Variants in FBXL7 observed in about 807,000 individuals in gnomAD.
FBXL7 encodes F-box and leucine rich repeat protein 7.
In FBXL7, 12 loss-of-function variants were observed where a neutral mutation model predicts 38.3. The ratio of observed to expected loss-of-function variants is 0.31; its 90% CI spans 0.20 to 0.51. The LOEUF (loss-of-function observed/expected upper bound fraction) is 0.51, where lower values mean the gene tolerates loss of function less well. FBXL7 is among the 20% of genes least tolerant of loss of function. FBXL7 has a pLI of 0.98. For synonymous variants in FBXL7, 297 were observed against 300.9 expected (o/e 0.99, Z 0.13); for missense variants, 567 against 676.4 (o/e 0.84, Z 1.79).
intron 1 of FBXL7, among the ~76,000 whole-genome samples, chr5:15,553,124 A>C (rs1020374663): frequency 1.2e-4 from 18 of 150,800 alleles, no homozygotes; most frequent in Admixed American, 2.6e-4. Context: ...AAAAACCCCC[A>C]AAAAACAAAA....
chr5:15,936,168 A>G lies in FBXL7; in HGVS notation c.740-282A>G, dbSNP rs1742177051. ...ATACTCAGAAGGATTGATTTGCTAAATGTCAGGCAAGTAGGGACAGATGAC... is the reference window on the plus strand; with the variant it reads ...ATACTCAGAAGGATTGATTTGCTAAGTGTCAGGCAAGTAGGGACAGATGAC... On this transcript the variant is annotated intron_variant, in intron 3 of 3. Coordinates refer to ENST00000504595, the MANE Select transcript of FBXL7 (RefSeq NM_012304.5). This position sits in a 1 kb window ranked among gnomAD's most constrained non-coding sequence, Gnocchi z 6.0. Among the ~76,000 whole-genome samples the G allele has an allele frequency of 6.6e-6, 1 of 152,254 alleles. No homozygotes were observed. The highest frequency in any genetic ancestry group is 6.5e-5 in the Admixed American group (1 of 15,290).
At position 15,884,243 on chromosome 5, in the gene FBXL7, G is replaced by T. The variant is rs965580843; in HGVS notation, c.128-43647G>T. Among the ~76,000 whole-genome samples, 54 of 134,856 alleles carry T rather than the reference G, an allele frequency of 4.0e-4. No homozygotes were observed. In the Middle Eastern group the frequency reaches 0.012, roughly 29 times the overall value. The allele number at this position is 134,856 out of a possible 152,430, so 88.5% of individuals were successfully genotyped here. On this transcript the variant is annotated intron_variant, in intron 2 of 3. Transcript: ENST00000504595. ...GGAGGACACTAATACTATGGGATCA[G>T]GGAATCTTCTTTCTTTCTTTCTTTC...
chr5:15,676,425 T>C (rs935857619), intron 2 of FBXL7, among the ~76,000 whole-genome samples: 23 of 152,228 alleles, frequency 1.5e-4, no homozygotes, highest in Non-Finnish European at 5.9e-5. Flanking sequence ...CTGGACTTTG[T>C]AATTTGAGAA....
intron 2 of FBXL7, among the ~76,000 whole-genome samples, chr5:15,880,601 C>T (rs895466310): frequency 3.3e-5 from 5 of 151,596 alleles, no homozygotes; most frequent in African/African-American, 4.8e-5. Flanking sequence ...TCTACTAATT[C>T]GTTTTGATTA....
intron 2 of FBXL7, among the ~76,000 whole-genome samples, chr5:15,905,129 A>G (rs1741324876): frequency 6.6e-6 from 1 of 152,230 alleles, no homozygotes. Context: ...CAACTTGGCC[A>G]TTTTGCAAGA....
rs112988720 is a variant in FBXL7, at chr5:15,709,426, A to C, written c.127+93354A>C. Among the ~76,000 whole-genome samples the C allele has an allele frequency of 1.4e-3, 217 of 151,354 alleles. 1 individual carries two copies. Among genetic ancestry groups the C allele is most frequent in the African/African-American group, 5.1e-3 (212 of 41,262 alleles). ...GTGCACACCTGTAATCCCAGCTACT[A>C]GGGAGGCTGAGGCAGGAGAATTGCT... On this transcript the variant is annotated intron_variant, in intron 2 of 3. Coordinates refer to ENST00000504595, the MANE Select transcript of FBXL7 (RefSeq NM_012304.5).
At chr5:15,845,722 A>G (rs910194432) in intron 2 of FBXL7, among the ~76,000 whole-genome samples, 1 of 152,244 alleles carries the variant, frequency 6.6e-6, no homozygotes, top group East Asian at 1.9e-4. Flanking sequence ...CTGTAATCCC[A>G]GCACTTTGGG....
chr5:15,550,492 C>T (rs540269123), intron 1 of FBXL7, among the ~76,000 whole-genome samples: 61 of 151,850 alleles, frequency 4.0e-4, no homozygotes, highest in Non-Finnish European at 7.1e-4. Context: ...GCACCCAAAA[C>T]TTAGGCCTGA....
chr5:15,817,312 T>TA (rs948904250), intron 2 of FBXL7, among the ~76,000 whole-genome samples: 3 of 151,446 alleles, frequency 2.0e-5, no homozygotes, highest in African/African-American at 2.4e-5. Context: ...TTTTTTTTTT[T>TA]AAAAAAGGCA....
intron 2 of FBXL7, among the ~76,000 whole-genome samples, chr5:15,676,156 C>T (rs1742646787): frequency 1.3e-5 from 2 of 152,182 alleles, no homozygotes; most frequent in African/African-American, 2.4e-5. Flanking sequence ...GTGTCCTCTC[C>T]TTAAAACCAT....
chr5:15,694,130 G>A (rs767666201), intron 2 of FBXL7, among the ~76,000 whole-genome samples: 18 of 152,126 alleles, frequency 1.2e-4, no homozygotes, highest in Non-Finnish European at 2.2e-4. Flanking sequence ...GTCGGAGCCC[G>A]TACTCCCCAT....
intron 2 of FBXL7, among the ~76,000 whole-genome samples, chr5:15,728,740 A>G (rs747780178): frequency 2.0e-5 from 3 of 152,190 alleles, no homozygotes; most frequent in Non-Finnish European, 4.4e-5. Flanking sequence ...AGGCTTGTAC[A>G]GACATCTCAT....
intron 2 of FBXL7, among the ~76,000 whole-genome samples, chr5:15,884,785 A>C (rs1407006667): frequency 6.6e-6 from 1 of 152,202 alleles, no homozygotes; most frequent in East Asian, 1.9e-4. Context: ...TAATCCTAAC[A>C]CATTCTTTTA....
At chr5:15,628,463 C>T (rs527274445) in intron 2 of FBXL7, among the ~76,000 whole-genome samples, 1 of 152,242 alleles carries the variant, frequency 6.6e-6, no homozygotes, top group African/African-American at 2.4e-5. Flanking sequence ...TTAGTCAAGT[C>T]TATGAAACTC....
At chr5:15,524,523 C>T (rs1196862499) in intron 1 of FBXL7, among the ~76,000 whole-genome samples, 1 of 152,182 alleles carries the variant, frequency 6.6e-6, no homozygotes, top group Non-Finnish European at 1.5e-5. Context: ...TCAGCTACTT[C>T]TTGCTGCTGA....
At chr5:15,882,213 C>T (rs1438295635) in intron 2 of FBXL7, among the ~76,000 whole-genome samples, 1 of 152,160 alleles carries the variant, frequency 6.6e-6, no homozygotes, top group African/African-American at 2.4e-5. Flanking sequence ...GAGATTTGGG[C>T]AGGAACACAG....
At chr5:15,541,445 A>ATG (rs1271490687) in intron 1 of FBXL7, among the ~76,000 whole-genome samples, 3 of 77,734 alleles carry the variant, frequency 3.9e-5, no homozygotes, top group African/African-American at 2.0e-4. Flanking sequence ...GTGTGTGTGT[A>ATG]TATATATATA....
intron 2 of FBXL7, among the ~76,000 whole-genome samples, chr5:15,723,498 A>T (rs1744259287): frequency 6.6e-6 from 1 of 152,192 alleles, no homozygotes; most frequent in Admixed American, 6.5e-5. Flanking sequence ...CCATGGTATA[A>T]ATACTCCTAC....
At chr5:15,812,418 A>G (rs1217044367) in intron 2 of FBXL7, among the ~76,000 whole-genome samples, 2 of 152,118 alleles carry the variant, frequency 1.3e-5, no homozygotes, top group African/African-American at 4.8e-5. Context: ...TGATGGGTTG[A>G]TAGGTTCAGC....
Sources: gnomAD v4.1 joint callset for allele counts (sites outside exome capture counted in the v4.1 genomes callset) on GRCh38, gnomAD v4.1.1 for gene constraint, Gnocchi (gnomAD v3.1) non-coding constraint, MANE v1.5 for transcripts, NCBI Gene and HGNC (gene_info 2026-07-23, HGNC 2026-07-21) for gene names.